Variants in RFX3 observed in about 807,000 individuals in gnomAD.
The protein encoded by RFX3 is regulatory factor X3, also known as transcription factor RFX3.
In RFX3, 14 loss-of-function variants were observed where a neutral mutation model predicts 98.6. The ratio of observed to expected loss-of-function variants is 0.14; its 90% CI spans 0.09 to 0.22. The LOEUF (loss-of-function observed/expected upper bound fraction) is 0.22. Among genes scored for constraint, RFX3 ranks in the 10% least tolerant of loss-of-function variants. RFX3 has a pLI of 1.00. For missense variants in RFX3, 639 were observed against 926.9 expected, an observed-to-expected ratio of 0.69 and a Z score of 4.03; for synonymous variants, 383 against 328.4, an observed-to-expected ratio of 1.17 and a Z score of -1.80.
intron 1 of RFX3, among the ~76,000 whole-genome samples, chr9:3,398,510 T>A (rs1185926103): frequency 6.6e-6 from 1 of 152,216 alleles, no homozygotes; most frequent in Non-Finnish European, 1.5e-5. Context: ...CTGTGAGGTC[T>A]TTTTCAGCCT....
chr9:3,295,001 G>C (rs1369432239), intron 5 of RFX3, among the ~76,000 whole-genome samples: 1 of 152,004 alleles, frequency 6.6e-6, no homozygotes, highest in Middle Eastern at 3.2e-3. Context: ...TAATTCTTTT[G>C]TTATGAATCA....
At chr9:3,362,326 A>G (rs934285571) in intron 2 of RFX3, among the ~76,000 whole-genome samples, 3 of 152,234 alleles carry the variant, frequency 2.0e-5, no homozygotes, top group African/African-American at 7.2e-5. Context: ...AATTTAAATG[A>G]CAGAATTCAT....
At chr9:3,294,801 T>C (rs1319967180) in intron 5 of RFX3, among the ~76,000 whole-genome samples, 1 of 152,106 alleles carries the variant, frequency 6.6e-6, no homozygotes, top group Non-Finnish European at 1.5e-5. Context: ...AGAGTACTTT[T>C]AAAAATAAAA....
chr9:3,271,459 T>A (rs1824426781), intron 9 of RFX3, among the ~76,000 whole-genome samples: 1 of 145,124 alleles, frequency 6.9e-6, no homozygotes, highest in African/African-American at 2.5e-5. Flanking sequence ...CTCCCTTCCT[T>A]CCTTCCTCCT....
intron 10 of RFX3, 157 bp from the exon 11 acceptor site, chr9:3,270,682 A>G (rs754521638): frequency 1.3e-6 from 1 of 753,516 alleles, no homozygotes; most frequent in Non-Finnish European, 2.1e-6. Flanking sequence ...ACCGAGAGAG[A>G]CAGACAGATA....
chr9:3,281,466 T>C (rs1825904918), intron 7 of RFX3, among the ~76,000 whole-genome samples: 1 of 151,738 alleles, frequency 6.6e-6, no homozygotes, highest in Admixed American at 6.6e-5. Flanking sequence ...ACTTTATGAA[T>C]TAATTATTTT....
intron 1 of RFX3, among the ~76,000 whole-genome samples, chr9:3,421,974 T>C: frequency 6.6e-6 from 1 of 150,608 alleles, no homozygotes; most frequent in East Asian, 1.9e-4. Flanking sequence ...TTCCTGGGGA[T>C]CATGATAGTG....
chr9:3,242,455 T>G lies in RFX3; in HGVS notation c.1968+5577A>C, dbSNP rs555903327. On this transcript the variant is annotated intron_variant, in intron 15 of 16. Transcript: ENST00000617270. ...TCGACTTGTGATAATATTCTTTGCT[T>G]TTAAAATACTGTTGTAACAAGTCTA... Among the ~76,000 whole-genome samples the G allele has an allele frequency of 3.2e-4, 48 of 152,316 alleles. 1 individual carries two copies. Among genetic ancestry groups the G allele is most frequent in the African/African-American group, 1.1e-3 (47 of 41,582 alleles).
chr9:3,401,703 T>C (rs921813501), intron 1 of RFX3, among the ~76,000 whole-genome samples: 1 of 152,206 alleles, frequency 6.6e-6, no homozygotes, highest in Non-Finnish European at 1.5e-5. Context: ...CTGTCAGGTG[T>C]GTCATGAGCA....
At chr9:3,439,537 G>C (rs990979438) in intron 1 of RFX3, among the ~76,000 whole-genome samples, 2 of 151,964 alleles carry the variant, frequency 1.3e-5, no homozygotes, top group African/African-American at 2.4e-5. Flanking sequence ...CAATAAGTTT[G>C]AGAATTTAAT....
intron 1 of RFX3, among the ~76,000 whole-genome samples, chr9:3,497,917 T>C (rs1352506711): frequency 6.6e-6 from 1 of 152,016 alleles, no homozygotes; most frequent in Non-Finnish European, 1.5e-5. Context: ...TGCTCTTTAC[T>C]GTAATTGCCC....
At chr9:3,291,701 G>C (rs1157939055) in intron 6 of RFX3, among the ~76,000 whole-genome samples, 1 of 152,056 alleles carries the variant, frequency 6.6e-6, no homozygotes, top group African/African-American at 2.4e-5. Context: ...GTGGTGGTGA[G>C]AAAAAGATCA....
Position 3,394,835 on chromosome 9 carries a change from A to G in RFX3, c.117+637T>C, listed in dbSNP as rs910142734. ...AGTGTGTTCACAATCCACATACATGAACAGCATTACTTTGTCAGTATCTTT... is the reference window on the plus strand; with the variant it reads ...AGTGTGTTCACAATCCACATACATGGACAGCATTACTTTGTCAGTATCTTT... On this transcript the variant is annotated intron_variant, in intron 2 of 16. Transcript: ENST00000617270. The G allele has an allele frequency of 4.1e-6, 4 of 985,364 alleles. No homozygotes were observed. The African/African-American group carries it at 5.2e-5, about 13-fold the overall frequency. The allele number at this position is 985,364 out of a possible 1,614,324, so 61.0% of individuals were successfully genotyped here. A position where few individuals can be genotyped will look rare whatever the true frequency, so the allele number is the denominator to read the frequency against.
rs370581503 is a variant in RFX3 at position 3,298,258 on chromosome 9, G to A, written c.549+3288C>T. ...AGAGTTATTTACTCTTAAACTGAAG[G>A]CTGCATATAGAGAAATAATTGAGTG... On this transcript the variant is annotated intron_variant, in intron 5 of 16. Transcript: ENST00000617270. Among the ~76,000 whole-genome samples the A allele has an allele frequency of 3.8e-4, 58 of 151,798 alleles. 2 individuals are homozygous for A. Among genetic ancestry groups the A allele is most frequent in the African/African-American group, 1.4e-3 (58 of 41,494 alleles).
intron 1 of RFX3, among the ~76,000 whole-genome samples, chr9:3,486,220 T>C (rs567972337): frequency 1.3e-4 from 20 of 151,832 alleles, no homozygotes; most frequent in Middle Eastern, 3.4e-3. Flanking sequence ...TTGTGGGGTA[T>C]GACCTACCAA....
intron 1 of RFX3, among the ~76,000 whole-genome samples, chr9:3,502,248 ACT>A (rs1311752027): frequency 6.6e-6 from 1 of 150,764 alleles, no homozygotes; most frequent in South Asian, 2.1e-4. Flanking sequence ...ACACAGCAAG[ACT>A]CTGTCTCAAA....
chr9:3,343,034 G>T (rs1455726325), intron 3 of RFX3, among the ~76,000 whole-genome samples: 2 of 152,176 alleles, frequency 1.3e-5, no homozygotes, highest in Admixed American at 1.3e-4. Flanking sequence ...AACCCACACT[G>T]TTAAGCCTGT....
At chr9:3,326,499 C>T (rs1831935501) in intron 4 of RFX3, among the ~76,000 whole-genome samples, 1 of 152,112 alleles carries the variant, frequency 6.6e-6, no homozygotes, top group Non-Finnish European at 1.5e-5. Flanking sequence ...CTCTACCCTC[C>T]TCTAAAGCCC....
chr9:3,496,288 T>TC (rs1286049556), intron 1 of RFX3, among the ~76,000 whole-genome samples: 1 of 152,038 alleles, frequency 6.6e-6, no homozygotes, highest in African/African-American at 2.4e-5. Context: ...AGTGCATATT[T>TC]TTTTCTATTA....
Sources: gnomAD v4.1 joint callset for allele counts (sites outside exome capture counted in the v4.1 genomes callset) on GRCh38, gnomAD v4.1.1 for gene constraint, MANE v1.5 for transcripts, NCBI Gene and HGNC (gene_info 2026-07-23, HGNC 2026-07-21) for gene names.